The following FAT3 variants were observed in gnomAD, a reference collection of about 807,000 sequenced individuals.
FAT3 encodes FAT atypical cadherin 3.
Under a neutral mutation model 310.2 loss-of-function variants are expected in FAT3, and 95 were observed. The observed-to-expected ratio is 0.31, with a 90% confidence interval of 0.26 to 0.36. The LOEUF (loss-of-function observed/expected upper bound fraction) is 0.36, where lower values mean the gene tolerates loss of function less well. Ranked by LOEUF, FAT3 falls within the 10% of genes least tolerant of loss-of-function variation. The pLI, the probability that FAT3 is intolerant of heterozygous loss-of-function variation, is 1.00. For synonymous variants in FAT3, 2,314 were observed against 2,192.9 expected (o/e 1.06, Z -1.54); for missense variants, 5,408 against 5,715.6 (o/e 0.95, Z 1.74).
At position 92,797,917 on chromosome 11, in the gene FAT3, G is replaced by A. The variant is rs1197410712; in HGVS notation, c.4904G>A (p.Gly1635Asp). 1 of 1,613,786 alleles carries A rather than the reference G, an allele frequency of 6.2e-7. No individual in the cohort carries two copies. Among genetic ancestry groups the A allele is most frequent in the Admixed American group, 1.7e-5 (1 of 59,992 alleles). ...ICKEPDMTTM[G>D]QFVLSIKVTD... ...AAAGAACCAGACATGACGACGATGG[G>A]TCAGTTTGTCCTATCCATCAAAGTC... is the stretch of plus-strand genomic sequence containing the variant. The change falls in exon 10 of 28, where the codon GGT becomes GAT. Residue 1635 changes from glycine to aspartate, a missense_variant. Physicochemically the swap from Gly to Asp is moderately conservative, Grantham distance 94. Around this residue, in one of 5 missense-constraint regions of FAT3, gnomAD observed 4,588 missense variants for 4,809.8 expected, o/e 0.95. Transcript: ENST00000525166.
chr11:92,763,152 CTGTCT>C (rs1458922274), intron 5 of FAT3, among the ~76,000 whole-genome samples: 1 of 150,768 alleles, frequency 6.6e-6, no homozygotes, highest in African/African-American at 2.4e-5. Context: ...GAGCAAGACT[CTGTCT>C]CAAAAAAAAA....
intron 3 of FAT3, among the ~76,000 whole-genome samples, chr11:92,532,764 G>A (rs796675384): frequency 1.4e-4 from 21 of 152,260 alleles, no homozygotes; most frequent in African/African-American, 5.1e-4. Flanking sequence ...TGCTTAAGCA[G>A]CTCCAAATCC....
At chr11:92,415,338 T>G (rs1318738856) in intron 2 of FAT3, among the ~76,000 whole-genome samples, 1 of 152,190 alleles carries the variant, frequency 6.6e-6, no homozygotes, top group Non-Finnish European at 1.5e-5. Context: ...CTTCATTTGT[T>G]ATATGCCTTG....
intron 3 of FAT3, among the ~76,000 whole-genome samples, chr11:92,551,659 T>G (rs901275940): frequency 3.9e-5 from 6 of 152,128 alleles, no homozygotes; most frequent in Non-Finnish European, 7.3e-5. Context: ...CTTGGTTATG[T>G]TATTAGAGGA....
intron 3 of FAT3, among the ~76,000 whole-genome samples, chr11:92,561,189 C>A (rs1955211620): frequency 6.6e-6 from 1 of 151,942 alleles, no homozygotes; most frequent in Admixed American, 6.6e-5. Flanking sequence ...GTGAATATAG[C>A]ATGGCTGATA....
At position 92,774,042 on chromosome 11, in the gene FAT3, G is replaced by A. The variant is rs1457313292; in HGVS notation, c.4197G>A (p.Gly1399=). 1.2e-6 allele frequency: 2 copies of A among 1,612,612 alleles called. No individual in the cohort carries two copies. Among genetic ancestry groups the A allele is most frequent in the Non-Finnish European group, 1.7e-6 (2 of 1,179,442 alleles). Residue 1399 remains glycine, a splice_region_variant and synonymous_variant, in exon 7 of 28, where the codon GGG becomes GGA. Coordinates refer to ENST00000525166, the MANE Select transcript of FAT3 (RefSeq NM_001367949.2). The stretch of plus-strand genomic sequence containing the variant: ...TTCATGTTTCTGTGAAATCATCAGG[G>A]GGGAATTTTGACAGCGCTTTTGATG... ...ANTPLWFDIV[G]GNFDSAFDAE...
intron 2 of FAT3, among the ~76,000 whole-genome samples, chr11:92,524,119 C>T (rs1293454385): frequency 1.3e-5 from 2 of 152,200 alleles, no homozygotes; most frequent in East Asian, 3.9e-4. Context: ...AAATATTTTC[C>T]ACTCTAACAG....
At chr11:92,696,602 A>G (rs1943949011) in intron 3 of FAT3, among the ~76,000 whole-genome samples, 1 of 152,228 alleles carries the variant, frequency 6.6e-6, no homozygotes, top group African/African-American at 2.4e-5. Flanking sequence ...TGTGGAATCA[A>G]GAAATGGAAC....
intron 1 of FAT3, among the ~76,000 whole-genome samples, chr11:92,245,575 T>C (rs185226291): frequency 6.0e-4 from 92 of 152,270 alleles, no homozygotes; most frequent in African/African-American, 2.0e-3. Context: ...TTATGCAAGC[T>C]CTCTGGAGAG....
intron 1 of FAT3, among the ~76,000 whole-genome samples, chr11:92,277,926 A>G (rs1463387015): frequency 6.6e-6 from 1 of 151,932 alleles, no homozygotes; most frequent in Admixed American, 6.6e-5. Flanking sequence ...ACTAAAAACA[A>G]CAAAAAAATT....
chr11:92,671,720 G>T (rs969607860), intron 3 of FAT3, among the ~76,000 whole-genome samples: 5 of 152,114 alleles, frequency 3.3e-5, no homozygotes, highest in Non-Finnish European at 5.9e-5. Flanking sequence ...GCATGCATCG[G>T]ATCTGTTTTG....
At chr11:92,306,329 G>C (rs940516088) in intron 1 of FAT3, among the ~76,000 whole-genome samples, 5 of 150,492 alleles carry the variant, frequency 3.3e-5, no homozygotes, top group Non-Finnish European at 7.4e-5. Flanking sequence ...AATACTGGGG[G>C]TGCTCTTAGT....
In FAT3 at chr11:92,668,672, A is replaced by G. The variant is rs1267109684; in HGVS notation, c.3608-28712A>G. Among the ~76,000 whole-genome samples the G allele has an allele frequency of 1.1e-4, 16 of 152,264 alleles. 1 individual carries two copies. Among genetic ancestry groups the G allele is most frequent in the Admixed American group, 7.8e-4 (12 of 15,288 alleles). Reference sequence around the variant, plus strand: ...TTCCTGCAGGACCTTCATGAGATTTAGAATAAATGTATGTCAAATTCCTAG... The same window carrying G: ...TTCCTGCAGGACCTTCATGAGATTTGGAATAAATGTATGTCAAATTCCTAG... On this transcript the variant is annotated intron_variant, in intron 3 of 27. Coordinates refer to ENST00000525166, the MANE Select transcript of FAT3 (RefSeq NM_001367949.2).
intron 3 of FAT3, among the ~76,000 whole-genome samples, chr11:92,688,021 C>G (rs1943682900): frequency 6.7e-6 from 1 of 150,050 alleles, no homozygotes; most frequent in African/African-American, 2.5e-5. Flanking sequence ...TTAGAGACCA[C>G]ATCTCTACCA....
At chr11:92,491,584 G>T (rs2135238174) in intron 2 of FAT3, among the ~76,000 whole-genome samples, 1 of 152,158 alleles carries the variant, frequency 6.6e-6, no homozygotes. Context: ...CTGAAATAGT[G>T]CTGTATATGT....
intron 3 of FAT3, among the ~76,000 whole-genome samples, chr11:92,532,845 C>T (rs908887421): frequency 1.3e-5 from 2 of 151,970 alleles, no homozygotes; most frequent in Non-Finnish European, 2.9e-5. Context: ...TGAAACAATC[C>T]ACATTAGATG....
At chr11:92,315,512 T>TATAGAGAG (rs1353970811) in intron 1 of FAT3, among the ~76,000 whole-genome samples, 39 of 56,168 alleles carry the variant, frequency 6.9e-4, no homozygotes, top group Non-Finnish European at 1.0e-3. Context: ...TATATATATA[T>TATAGAGAG]AGAGAGAGAG....
At chr11:92,703,528 T>A (rs778732706) in intron 4 of FAT3, among the ~76,000 whole-genome samples, 20 of 151,886 alleles carry the variant, frequency 1.3e-4, no homozygotes, top group Non-Finnish European at 2.5e-4. Flanking sequence ...AGAAGGAGAG[T>A]TGATGACACC....
At position 92,729,832 on chromosome 11, in the gene FAT3, TA is replaced by T. The variant is rs529167729; in HGVS notation, c.3670-32016del. On this transcript the variant is annotated intron_variant, in intron 4 of 27. Transcript: ENST00000525166. ...TAAAAAATTACGTTGAAATTTAATT[TA>T]AAAAAAACATTTTTAAACATTCATT... 4.2e-3 allele frequency among the ~76,000 whole-genome samples: 637 copies of T among 151,924 alleles called. 3 individuals carry two copies. Among genetic ancestry groups the T allele is most frequent in the African/African-American group, 0.014 (572 of 41,420 alleles).
Sources: allele counts gnomAD v4.1 joint callset (sites outside exome capture counted in the v4.1 genomes callset), GRCh38; gene constraint gnomAD v4.1.1; regional missense constraint gnomAD v4.1.1; transcripts MANE v1.5; gene names NCBI Gene and HGNC (gene_info 2026-07-23, HGNC 2026-07-21).